Variants in MED13L observed in about 807,000 individuals in gnomAD.
MED13L encodes mediator complex subunit 13L.
Under a neutral mutation model 220.9 loss-of-function variants are expected in MED13L, and 7 were observed. The ratio of observed to expected loss-of-function variants is 0.03; its 90% CI spans 0.02 to 0.06. The LOEUF is 0.06. MED13L is among the 10% of genes least tolerant of loss of function. The probability of loss-of-function intolerance (pLI) is 1.00; values close to 1 mark genes in which losing one functional copy is unlikely to be tolerated. For synonymous variants in MED13L, 1,011 were observed against 1,015.2 expected (o/e 1.00, Z 0.08); for missense variants, 1,965 against 2,760.5 (o/e 0.71, Z 6.46).
At position 116,226,001 on chromosome 12, in the gene MED13L, A is replaced by G. The variant is rs16946542; in HGVS notation, c.310+11467T>C. ...TGAACACTCTAACCTTCCTTTTACCATCATATACATACAATCTTTTTCAAC... is the reference window on the plus strand; with the variant it reads ...TGAACACTCTAACCTTCCTTTTACCGTCATATACATACAATCTTTTTCAAC... On this transcript the variant is annotated intron_variant, in intron 2 of 30. Coordinates refer to ENST00000281928, the MANE Select transcript of MED13L (RefSeq NM_015335.5). Among the ~76,000 whole-genome samples the G allele has an allele frequency of 9.8e-3, 1,494 of 152,028 alleles. 26 individuals are homozygous for G. The highest frequency in any genetic ancestry group is 0.034 in the African/African-American group (1,400 of 41,446).
At chr12:116,097,971 T>G (rs1261380136) in intron 3 of MED13L, among the ~76,000 whole-genome samples, 1 of 152,070 alleles carries the variant, frequency 6.6e-6, no homozygotes, top group African/African-American at 2.4e-5. Flanking sequence ...TGAGGCTGGG[T>G]GGGTGGCTCA....
At chr12:116,206,696 C>A (rs1882355069) in intron 2 of MED13L, among the ~76,000 whole-genome samples, 1 of 151,874 alleles carries the variant, frequency 6.6e-6, no homozygotes, top group Non-Finnish European at 1.5e-5. Context: ...TACCAAAGCA[C>A]TGATATACAA....
chr12:116,034,940 G>A (rs959455737), intron 4 of MED13L, among the ~76,000 whole-genome samples: 1 of 152,164 alleles, frequency 6.6e-6, no homozygotes, highest in East Asian at 1.9e-4. Flanking sequence ...GGGAGGCGGA[G>A]GTTGCAGTGA....
At chr12:116,050,149 C>T (rs190063619) in intron 4 of MED13L, among the ~76,000 whole-genome samples, 38 of 152,106 alleles carry the variant, frequency 2.5e-4, no homozygotes, top group Admixed American at 2.1e-3. Context: ...TTCTAGGGTG[C>T]GACTCCATGG....
chr12:116,270,147 T>A (rs1427291812), intron 1 of MED13L, among the ~76,000 whole-genome samples: 1 of 147,216 alleles, frequency 6.8e-6, no homozygotes, highest in African/African-American at 2.5e-5. Context: ...CACAGATAAT[T>A]TTTTTTTTTT....
At chr12:115,978,507 A>T (rs983996544) in intron 23 of MED13L, among the ~76,000 whole-genome samples, 4 of 152,044 alleles carry the variant, frequency 2.6e-5, no homozygotes, top group Non-Finnish European at 4.4e-5. Context: ...TTTTATTTTT[A>T]GTGGAGACGG....
At chr12:116,047,015 T>C (rs1262911302) in intron 4 of MED13L, among the ~76,000 whole-genome samples, 3 of 152,068 alleles carry the variant, frequency 2.0e-5, no homozygotes, top group Non-Finnish European at 2.9e-5. Flanking sequence ...ATTTACTTGA[T>C]AGCCAAGTAG....
In MED13L at chr12:116,012,703, G is replaced by C. The variant is rs1428656642; in HGVS notation, c.1280+94C>G. On this transcript the variant is annotated intron_variant, in intron 9 of 30. Coordinates refer to ENST00000281928, the MANE Select transcript of MED13L (RefSeq NM_015335.5). The stretch of plus-strand genomic sequence containing the variant: ...TTCTTCTCTACTGGAGGAGAATGGA[G>C]AATCAGGAAGAACTGATCTGTGAGG... 4.4e-6 allele frequency: 4 copies of C among 906,608 alleles called. No homozygotes were observed. The African/African-American group carries it at 6.5e-5, about 15-fold the overall frequency. The allele number at this position is 906,608 out of a possible 1,614,324, so 56.2% of individuals were successfully genotyped here. A position where few individuals can be genotyped will look rare whatever the true frequency, so the allele number is the denominator to read the frequency against.
At chr12:116,169,907 C>G (rs528429869) in intron 2 of MED13L, among the ~76,000 whole-genome samples, 12 of 152,166 alleles carry the variant, frequency 7.9e-5, no homozygotes, top group Non-Finnish European at 1.6e-4. Context: ...CTCCCAGCTA[C>G]TTGGGAGGCT....
chr12:116,255,997 T>G (rs943065774), intron 1 of MED13L, among the ~76,000 whole-genome samples: 1 of 152,188 alleles, frequency 6.6e-6, no homozygotes, highest in Non-Finnish European at 1.5e-5. Context: ...GTTCCAAGCA[T>G]TTTAGATAAA....
chr12:116,013,309 A>AGGAATGATG (rs760004149), intron 8 of MED13L, among the ~76,000 whole-genome samples: 15 of 152,226 alleles, frequency 9.9e-5, no homozygotes, highest in Non-Finnish European at 1.5e-4. Context: ...ATTCTGAGTC[A>AGGAATGATG]GGAATGATGG....
chr12:116,262,778 T>C (rs1872599062), intron 1 of MED13L, among the ~76,000 whole-genome samples: 1 of 152,206 alleles, frequency 6.6e-6, no homozygotes, highest in South Asian at 2.1e-4. Context: ...AATTAAATGT[T>C]ATAGGATCTT....
intron 1 of MED13L, among the ~76,000 whole-genome samples, chr12:116,239,156 GT>G (rs1308582707): frequency 6.6e-6 from 1 of 152,026 alleles, no homozygotes; most frequent in East Asian, 1.9e-4. Flanking sequence ...AAAAAAAAAG[GT>G]TTTGCTTCAA....
At chr12:116,191,171 C>T (rs1261680799) in intron 2 of MED13L, among the ~76,000 whole-genome samples, 2 of 151,692 alleles carry the variant, frequency 1.3e-5, no homozygotes, top group South Asian at 2.1e-4. Context: ...CCAAATACTT[C>T]AGTATTTGGA....
intron 1 of MED13L, among the ~76,000 whole-genome samples, chr12:116,260,348 C>A (rs902307223): frequency 1.3e-5 from 2 of 152,084 alleles, no homozygotes; most frequent in South Asian, 2.1e-4. Flanking sequence ...GGTTCTGAAG[C>A]GCATATGTCC....
intron 4 of MED13L, among the ~76,000 whole-genome samples, chr12:116,083,404 G>GAAAAAAAAA (rs61301423): frequency 1.3e-5 from 1 of 79,360 alleles, no homozygotes; most frequent in Non-Finnish European, 2.4e-5. Flanking sequence ...TGTCTCGAGG[G>GAAAAAAAAA]AAAAAAAAAA....
chr12:116,123,878 G>C (rs1337760077), intron 2 of MED13L, among the ~76,000 whole-genome samples: 2 of 151,960 alleles, frequency 1.3e-5, no homozygotes, highest in Non-Finnish European at 2.9e-5. Flanking sequence ...GACACGCCTG[G>C]AGTGATAACA....
Position 116,143,904 on chromosome 12 carries a change from T to A in MED13L, c.311-32392A>T, listed in dbSNP as rs563397547. 1.9e-4 allele frequency among the ~76,000 whole-genome samples: 29 copies of A among 152,290 alleles called. No individual in the cohort carries two copies. In the South Asian group the frequency reaches 3.5e-3, roughly 19 times the overall value. Reference sequence around the variant, plus strand: ...AAGAAAATCACAGCAACTTGTACCTTAAAGGTTATGGATTGGCTAAAAGAG... The same window carrying A: ...AAGAAAATCACAGCAACTTGTACCTAAAAGGTTATGGATTGGCTAAAAGAG... On this transcript the variant is annotated intron_variant, in intron 2 of 30. Transcript: ENST00000281928.
chr12:116,151,186 G>C (rs1190622524), intron 2 of MED13L, among the ~76,000 whole-genome samples: 1 of 152,108 alleles, frequency 6.6e-6, no homozygotes, highest in Non-Finnish European at 1.5e-5. Flanking sequence ...ATCTCTTGGG[G>C]GTGGGGAGGG....
Sources: gnomAD v4.1 joint callset for allele counts (sites outside exome capture counted in the v4.1 genomes callset) on GRCh38, gnomAD v4.1.1 for gene constraint, MANE v1.5 for transcripts, NCBI Gene and HGNC (gene_info 2026-07-23, HGNC 2026-07-21) for gene names.